The following DGKI variants were observed in gnomAD, a reference collection of about 807,000 sequenced individuals.
The protein encoded by DGKI is diacylglycerol kinase iota.
In DGKI, 55 loss-of-function variants were observed where a neutral mutation model predicts 147.5. The observed-to-expected ratio is 0.37, with a 90% CI of 0.30 to 0.47. The LOEUF is 0.47. Among genes scored for constraint, DGKI ranks in the 20% least tolerant of loss-of-function variants. The pLI is 1.00. For synonymous variants in DGKI, 469 were observed against 477.1 expected (o/e 0.98, Z 0.22); for missense variants, 1,007 against 1,323.8 (o/e 0.76, Z 3.71).
chr7:137,740,296 T>C (rs184788738), intron 1 of DGKI, among the ~76,000 whole-genome samples: 104 of 152,308 alleles, frequency 6.8e-4, no homozygotes, highest in African/African-American at 2.4e-3. Flanking sequence ...ATTCCCATCA[T>C]TCTGGGCAAA....
chr7:137,823,079 G>C (rs1481090112), intron 1 of DGKI, among the ~76,000 whole-genome samples: 1 of 150,496 alleles, frequency 6.6e-6, no homozygotes, highest in Non-Finnish European at 1.5e-5. Context: ...AAAAATACCA[G>C]ACAATTTCTT....
intron 1 of DGKI, chr7:137,722,453 G>T: frequency 1.9e-6 from 3 of 1,610,898 alleles, no homozygotes; most frequent in Middle Eastern, 1.7e-4. Context: ...CTCACTGGAC[G>T]CCACAGGGGC....
chr7:137,581,510 C>G lies in DGKI; in HGVS notation c.1642+340G>C, dbSNP rs574107255. Among the ~76,000 whole-genome samples, 6 of 152,228 alleles carry G rather than the reference C, an allele frequency of 3.9e-5. 1 individual carries two copies. The South Asian group carries it at 1.2e-3, about 32-fold the overall frequency. On this transcript the variant is annotated intron_variant, in intron 15 of 32. Coordinates refer to ENST00000614521, the MANE Select transcript of DGKI (RefSeq NM_001321708.2). Reference sequence around the variant, plus strand: ...ATCCTAGTGACTTCAGTAATAGTCTCTATCACTTCTTAGTATTTTACTCAC... The same window carrying G: ...ATCCTAGTGACTTCAGTAATAGTCTGTATCACTTCTTAGTATTTTACTCAC...
intron 1 of DGKI, among the ~76,000 whole-genome samples, chr7:137,804,296 C>A (rs1040096977): frequency 7.9e-5 from 12 of 152,116 alleles, no homozygotes; most frequent in Non-Finnish European, 1.6e-4. Flanking sequence ...AGAAAATTAC[C>A]ACTTTACAAT....
intron 1 of DGKI, among the ~76,000 whole-genome samples, chr7:137,781,087 G>T (rs1796504370): frequency 6.6e-6 from 1 of 152,218 alleles, no homozygotes; most frequent in Non-Finnish European, 1.5e-5. Context: ...GTGGATCTAG[G>T]AGAGGTGGTT....
intron 1 of DGKI, among the ~76,000 whole-genome samples, chr7:137,813,459 G>T (rs1207603645): frequency 6.6e-6 from 1 of 152,180 alleles, no homozygotes; most frequent in Non-Finnish European, 1.5e-5. Context: ...GTCACACTGG[G>T]CGTGGCAGGG....
intron 28 of DGKI, among the ~76,000 whole-genome samples, chr7:137,412,738 A>C (rs1812208966): frequency 6.6e-6 from 1 of 152,188 alleles, no homozygotes; most frequent in African/African-American, 2.4e-5. Flanking sequence ...GTGATGATAG[A>C]TAAATACCTA....
rs1562986801 is a variant in DGKI at position 137,385,412 on chromosome 7, C to G, written c.*5808G>C. 6.6e-6 allele frequency: 1 copy of G among 151,982 alleles called. No homozygotes were observed. Among genetic ancestry groups the G allele is most frequent in the Non-Finnish European group, 1.5e-5 (1 of 67,948 alleles). The allele number at this position is 151,982 out of a possible 1,614,324, so 9.4% of individuals were successfully genotyped here. A position where few individuals can be genotyped will look rare whatever the true frequency, so the allele number is the denominator to read the frequency against. On this transcript the variant is annotated 3_prime_UTR_variant, in exon 33 of 33. Coordinates refer to ENST00000614521, the MANE Select transcript of DGKI (RefSeq NM_001321708.2). ...TTAAAAAATATCTTTTGAAAAATCACAGCATCTAATTTTAGCCCCCTCAAA... is the reference window on the plus strand; with the variant it reads ...TTAAAAAATATCTTTTGAAAAATCAGAGCATCTAATTTTAGCCCCCTCAAA...
At chr7:137,531,538 T>C (rs1401033019) in intron 20 of DGKI, among the ~76,000 whole-genome samples, 2 of 152,116 alleles carry the variant, frequency 1.3e-5, no homozygotes, top group African/African-American at 4.8e-5. Context: ...CAATGAGACA[T>C]AAGAGGACAA....
rs1259448681 is a variant in DGKI, at chr7:137,846,412, G to A, written c.401+50C>T. ...GCGCCCCTTGCTGGGTAGAAGAGTG[G>A]GTCTCCCGCCGCGGCGCACCTGTCT... On this transcript the variant is annotated intron_variant, in intron 1 of 32. Transcript: ENST00000614521. This position sits in a 1 kb window ranked among gnomAD's most constrained non-coding sequence, Gnocchi z 4.0. The A allele has an allele frequency of 1.7e-5, 24 of 1,416,140 alleles. No homozygotes were observed. Among genetic ancestry groups the A allele is most frequent in the Admixed American group, 5.4e-5 (3 of 55,518 alleles). The allele number at this position is 1,416,140 out of a possible 1,614,324, so 87.7% of individuals were successfully genotyped here. A position where few individuals can be genotyped will look rare whatever the true frequency, so the allele number is the denominator to read the frequency against.
chr7:137,567,323 A>G (rs1161753978), intron 19 of DGKI, among the ~76,000 whole-genome samples: 1 of 152,142 alleles, frequency 6.6e-6, no homozygotes, highest in Non-Finnish European at 1.5e-5. Context: ...TGTTTCCTAC[A>G]TCCAGACATT....
Position 137,526,319 on chromosome 7 carries a change from C to T in DGKI, c.2148-4353G>A, listed in dbSNP as rs572040361. On this transcript the variant is annotated intron_variant, in intron 20 of 32. Transcript: ENST00000614521. ...GGTTCTAAACCCGGCTTCCATGGAA[C>T]ATCTCAAACTCCCTAGAAGGGATTT... Among the ~76,000 whole-genome samples, 41 of 151,180 alleles carry T rather than the reference C, an allele frequency of 2.7e-4. No homozygotes were observed. The South Asian group carries it at 5.5e-3, about 20-fold the overall frequency.
At chr7:137,680,595 C>T (rs1823201104) in intron 2 of DGKI, among the ~76,000 whole-genome samples, 5 of 152,074 alleles carry the variant, frequency 3.3e-5, no homozygotes, top group Admixed American at 3.3e-4. Context: ...GCCTGGACAA[C>T]ATGGTGAAAC....
At chr7:137,501,393 G>A (rs1471885714) in intron 21 of DGKI, among the ~76,000 whole-genome samples, 1 of 152,114 alleles carries the variant, frequency 6.6e-6, no homozygotes, top group Non-Finnish European at 1.5e-5. Context: ...ACCCAGCAGT[G>A]GGACTCCTGG....
chr7:137,811,654 T>C (rs1176375545), intron 1 of DGKI, among the ~76,000 whole-genome samples: 2 of 152,190 alleles, frequency 1.3e-5, no homozygotes, highest in African/African-American at 4.8e-5. Flanking sequence ...GACAAAGGCA[T>C]CATGTACACC....
rs1811315163 is a variant in DGKI at position 137,390,409 on chromosome 7, C to T, written c.*811G>A. ...GCAGCAAAAGGCAAAGATGGCTACACATAGGCAGTACGGAGCTGTACAGAC... is the reference window on the plus strand; with the variant it reads ...GCAGCAAAAGGCAAAGATGGCTACATATAGGCAGTACGGAGCTGTACAGAC... On this transcript the variant is annotated 3_prime_UTR_variant, in exon 33 of 33. Coordinates refer to ENST00000614521, the MANE Select transcript of DGKI (RefSeq NM_001321708.2). 6.5e-6 allele frequency: 1 copy of T among 152,676 alleles called. No individual in the cohort carries two copies. Among genetic ancestry groups the T allele is most frequent in the Non-Finnish European group, 1.5e-5 (1 of 68,062 alleles). The allele number at this position is 152,676 out of a possible 1,614,324, so 9.5% of individuals were successfully genotyped here.
intron 2 of DGKI, among the ~76,000 whole-genome samples, chr7:137,682,709 G>A (rs1823280851): frequency 6.6e-6 from 1 of 152,162 alleles, no homozygotes; most frequent in Non-Finnish European, 1.5e-5. Flanking sequence ...CTTGCAATTA[G>A]GTGTGGCCAA....
intron 28 of DGKI, among the ~76,000 whole-genome samples, chr7:137,414,279 T>A (rs1311104180): frequency 1.3e-5 from 2 of 152,048 alleles, no homozygotes; most frequent in African/African-American, 2.4e-5. Flanking sequence ...ATAGAAATGA[T>A]GAGGGCTACT....
At chr7:137,504,372 A>T (rs1736941352) in intron 21 of DGKI, among the ~76,000 whole-genome samples, 1 of 152,234 alleles carries the variant, frequency 6.6e-6, no homozygotes, top group Non-Finnish European at 1.5e-5. Context: ...TAGGATCATT[A>T]TAAGAACGTG....
Sources: gnomAD v4.1 joint callset for allele counts (sites outside exome capture counted in the v4.1 genomes callset) on GRCh38, gnomAD v4.1.1 for gene constraint, Gnocchi (gnomAD v3.1) non-coding constraint, MANE v1.5 for transcripts, NCBI Gene and HGNC (gene_info 2026-07-23, HGNC 2026-07-21) for gene names.